The following ZNF385D variants were observed in gnomAD, a reference collection of about 807,000 sequenced individuals.
The protein encoded by ZNF385D is zinc finger protein 385D.
ZNF385D carries 15 observed loss-of-function variants against 35.8 expected under a neutral mutation model. The observed-to-expected ratio is 0.42, with a 90% CI of 0.28 to 0.64. ZNF385D has a LOEUF of 0.64. ZNF385D is among the 30% of genes least tolerant of loss of function. The pLI, the probability that ZNF385D is intolerant of heterozygous loss-of-function variation, is 0.23. For missense variants in ZNF385D, 474 were observed against 494.6 expected, an observed-to-expected ratio of 0.96 and a Z score of 0.39; for synonymous variants, 212 against 186.8, an observed-to-expected ratio of 1.13 and a Z score of -1.10.
chr3:22,316,496 T>A (rs1703894153), intron 2 of ZNF385D, among the ~76,000 whole-genome samples: 1 of 152,086 alleles, frequency 6.6e-6, no homozygotes, highest in East Asian at 1.9e-4. Context: ...AAAGGTAAAT[T>A]TTTCCCCAAA....
At chr3:22,098,418 C>CTAA in intron 3 of ZNF385D, among the ~76,000 whole-genome samples, 1 of 151,946 alleles carries the variant, frequency 6.6e-6, no homozygotes, top group Middle Eastern at 3.4e-3. Context: ...GAAAAGGGAG[C>CTAA]ATTTGGGAGA....
intron 2 of ZNF385D, among the ~76,000 whole-genome samples, chr3:22,304,346 A>T (rs147810647): frequency 6.6e-6 from 1 of 152,300 alleles, no homozygotes; most frequent in African/African-American, 2.4e-5. Context: ...TATTGAATTC[A>T]AATTGCTTAT....
chr3:22,031,021 T>C (rs1039960754), intron 3 of ZNF385D, among the ~76,000 whole-genome samples: 1 of 152,176 alleles, frequency 6.6e-6, no homozygotes, highest in Non-Finnish European at 1.5e-5. Flanking sequence ...AAGTCTCCTT[T>C]GATTCTATGT....
rs1337978111 is a variant in ZNF385D, at chr3:21,670,649, CG to C, written c.23-5622del. Among the ~76,000 whole-genome samples, 8 of 1,888 alleles carry C rather than the reference CG, an allele frequency of 4.2e-3. 2 individuals carry two copies. The highest frequency in any genetic ancestry group is 9.3e-3 in the Non-Finnish European group (5 of 538). The allele number at this position is 1,888 out of a possible 152,430, so 1.2% of individuals were successfully genotyped here. On this transcript the variant is annotated intron_variant, in intron 1 of 7. Coordinates refer to ENST00000281523, the MANE Select transcript of ZNF385D (RefSeq NM_024697.3). ...GAGAAATAAAAATGAAATCCTAAGG[CG>C]CCCCCCCCCCCCCCCCCCCCCCCAA... is the stretch of plus-strand genomic sequence containing the variant.
At chr3:21,575,153 G>A (rs1017859697) in intron 2 of ZNF385D, among the ~76,000 whole-genome samples, 3 of 152,148 alleles carry the variant, frequency 2.0e-5, no homozygotes, top group African/African-American at 7.2e-5. Context: ...TCAGTGTCAT[G>A]AATGAGTCAA....
At chr3:22,192,434 A>C (rs1028010507) in intron 2 of ZNF385D, among the ~76,000 whole-genome samples, 1 of 152,138 alleles carries the variant, frequency 6.6e-6, no homozygotes, top group Admixed American at 6.6e-5. Context: ...GGGCTAACAT[A>C]TGTAACCAAT....
At chr3:21,961,814 G>A (rs564795698) in intron 3 of ZNF385D, among the ~76,000 whole-genome samples, 1 of 152,070 alleles carries the variant, frequency 6.6e-6, no homozygotes, top group Non-Finnish European at 1.5e-5. Flanking sequence ...TGCACTGGAT[G>A]GGATGGGGAG....
At chr3:21,672,426 A>G (rs1035842931) in intron 1 of ZNF385D, among the ~76,000 whole-genome samples, 1 of 152,066 alleles carries the variant, frequency 6.6e-6, no homozygotes, top group African/African-American at 2.4e-5. Flanking sequence ...CTGATCCCAT[A>G]AGGGCAAGTT....
chr3:21,930,232 G>C lies in ZNF385D; in HGVS notation c.325+238585C>G, dbSNP rs571379241. Among the ~76,000 whole-genome samples, 6 of 149,306 alleles carry C rather than the reference G, an allele frequency of 4.0e-5. No homozygotes were observed. In the South Asian group the frequency reaches 1.3e-3, roughly 32 times the overall value. ...CAGCAAATGATGCTTGAACTATAGG[G>C]TATCTACATGCAAAAGTAAAGTTGA... On this transcript the variant is annotated intron_variant, in intron 3 of 5. Transcript: ENST00000494108.
chr3:21,796,353 A>T (rs376738635), intron 3 of ZNF385D, among the ~76,000 whole-genome samples: 20 of 152,314 alleles, frequency 1.3e-4, no homozygotes, highest in South Asian at 1.0e-3. Context: ...CTACAAATCA[A>T]TATCTCTCAT....
rs139467820 is a variant in ZNF385D at position 21,969,169 on chromosome 3, T to G, written c.325+199648A>C. Among the ~76,000 whole-genome samples, 394 of 152,278 alleles carry G rather than the reference T, an allele frequency of 2.6e-3. 2 individuals are homozygous for G. The highest frequency in any genetic ancestry group is 9.1e-3 in the African/African-American group (378 of 41,560). ...GGAAAGAATGGTAAGAACTTTTTTG[T>G]GTGACTTGGGTGGCAGCTCAGCCAC... is the stretch of plus-strand genomic sequence containing the variant. On this transcript the variant is annotated intron_variant, in intron 3 of 5. Transcript: ENST00000494108.
At chr3:21,900,145 A>G (rs1056200190) in intron 3 of ZNF385D, among the ~76,000 whole-genome samples, 1 of 152,184 alleles carries the variant, frequency 6.6e-6, no homozygotes, top group African/African-American at 2.4e-5. Flanking sequence ...AGATATGCCA[A>G]TTAAAACAAC....
At chr3:21,671,434 T>C (rs73819943) in intron 1 of ZNF385D, among the ~76,000 whole-genome samples, 2,752 of 152,248 alleles carry the variant, frequency 0.018, 90 homozygotes, top group African/African-American at 0.062. Context: ...TATAGATAAT[T>C]TAATATATCT....
chr3:21,846,950 A>G (rs370071717), intron 3 of ZNF385D, among the ~76,000 whole-genome samples: 12 of 152,218 alleles, frequency 7.9e-5, no homozygotes, highest in Admixed American at 5.2e-4. Flanking sequence ...CTATGAAGCT[A>G]TGGCATAAAA....
Position 21,910,084 on chromosome 3 carries a change from T to TACACACACACACACACACACAC in ZNF385D, c.326-245078_326-245057dup, listed in dbSNP as rs112815077. ...TTAGCTGTGGGTTAAACATATATTT[T>TACACACACACACACACACACAC]ACACACACACACACACACACACAGA... On this transcript the variant is annotated intron_variant, in intron 3 of 5. Transcript: ENST00000494108. Among the ~76,000 whole-genome samples the TACACACACACACACACACACAC allele has an allele frequency of 2.3e-3, 343 of 149,330 alleles. 1 individual carries two copies. The highest frequency in any genetic ancestry group is 0.01 in the East Asian group (52 of 5,048).
At chr3:22,133,657 C>G (rs1433175457) in intron 3 of ZNF385D, 2 of 151,828 alleles carry the variant, frequency 1.3e-5, no homozygotes, top group African/African-American at 4.8e-5. Flanking sequence ...CTACATAGAA[C>G]TGAAAACCAT....
chr3:22,096,794 A>G (rs1412929522), intron 3 of ZNF385D, among the ~76,000 whole-genome samples: 1 of 152,086 alleles, frequency 6.6e-6, no homozygotes, highest in African/African-American at 2.4e-5. Context: ...ATATCTGCGG[A>G]GTTTTAAAAA....
intron 2 of ZNF385D, among the ~76,000 whole-genome samples, chr3:22,194,192 A>T (rs990070396): frequency 1.3e-5 from 2 of 151,860 alleles, no homozygotes; most frequent in African/African-American, 4.8e-5. Flanking sequence ...ATTGTTGATA[A>T]ATTTTTTATT....
At chr3:22,047,089 G>A (rs559879854) in intron 3 of ZNF385D, among the ~76,000 whole-genome samples, 4 of 152,076 alleles carry the variant, frequency 2.6e-5, no homozygotes, top group South Asian at 2.1e-4. Context: ...CTCTGTCAAC[G>A]ATGAAGGCTT....
Sources: allele counts gnomAD v4.1 joint callset (sites outside exome capture counted in the v4.1 genomes callset), GRCh38; gene constraint gnomAD v4.1.1; transcripts MANE v1.5; gene names NCBI Gene and HGNC (gene_info 2026-07-23, HGNC 2026-07-21).